The following TYW3 variants were observed in gnomAD, a reference collection of about 807,000 sequenced individuals.
TYW3 encodes tRNA-yW synthesizing protein 3 homolog, also known as tRNA wybutosine-synthesizing protein 3 homolog.
In TYW3, 26 loss-of-function variants were observed where a neutral mutation model predicts 23.1. That is an observed-to-expected ratio of 1.13 (90% CI 0.83 to 1.56). The LOEUF (loss-of-function observed/expected upper bound fraction) is 1.56. Among genes scored for constraint, TYW3 ranks in the 40% most tolerant of loss-of-function variants. The probability of loss-of-function intolerance (pLI) is 0.00; values close to 1 mark genes in which losing one functional copy is unlikely to be tolerated. For missense variants in TYW3, 316 were observed against 311.9 expected (o/e 1.01, Z -0.10); for synonymous variants, 102 against 105.7 (o/e 0.97, Z 0.21).
intron 5 of TYW3, among the ~76,000 whole-genome samples, chr1:74,758,877 C>A (rs1649040407): frequency 6.6e-6 from 1 of 152,150 alleles, no homozygotes; most frequent in Non-Finnish European, 1.5e-5. Flanking sequence ...TCTTATCCTA[C>A]AATGTAACAT....
chr1:74,744,844 C>T (rs939546943), intron 3 of TYW3, among the ~76,000 whole-genome samples: 8 of 152,050 alleles, frequency 5.3e-5, no homozygotes, highest in South Asian at 4.2e-4. Context: ...TGCTGACTTC[C>T]GGAGTGAAGC....
intron 3 of TYW3, among the ~76,000 whole-genome samples, chr1:74,741,521 G>C (rs1051773895): frequency 2.0e-5 from 3 of 152,174 alleles, no homozygotes; most frequent in East Asian, 1.9e-4. Context: ...TTCCCACAAA[G>C]AATCTATAGA....
intron 1 of TYW3, among the ~76,000 whole-genome samples, chr1:74,733,922 T>C (rs146849954): frequency 1.3e-5 from 2 of 152,150 alleles, no homozygotes; most frequent in East Asian, 1.9e-4. Flanking sequence ...ATTACAACTC[T>C]AGTAGTTTTA....
intron 5 of TYW3, 143 bp downstream of exon 5, chr1:74,752,568 TA>T (rs1160781868): frequency 1.3e-6 from 1 of 773,428 alleles, no homozygotes; most frequent in Non-Finnish European, 1.9e-6. Context: ...TCATTAATAA[TA>T]AAAAGATGAT....
intron 5 of TYW3, 136 bp from the exon 6 acceptor site, chr1:74,763,756 CAT>C (rs1649204270): frequency 6.8e-6 from 4 of 587,466 alleles, no homozygotes; most frequent in African/African-American, 1.9e-5. Flanking sequence ...CCTAATAAAA[CAT>C]ATTATTTATT....
intron 1 of TYW3, among the ~76,000 whole-genome samples, chr1:74,735,709 A>G (rs1295705772): frequency 6.6e-6 from 1 of 152,214 alleles, no homozygotes. Flanking sequence ...TAGCCAGCAC[A>G]ATGTCAGATA....
rs754210960 is a variant in TYW3, at chr1:74,733,200, A to G, written c.-45A>G. 6.2e-7 allele frequency: 1 copy of G among 1,602,204 alleles called. No individual in the cohort carries two copies. Among genetic ancestry groups the G allele is most frequent in the Middle Eastern group, 1.7e-4 (1 of 6,024 alleles). On this transcript the variant is annotated 5_prime_UTR_variant, in exon 1 of 6. Coordinates refer to ENST00000370867, the MANE Select transcript of TYW3 (RefSeq NM_138467.3). ...ATATGGCTGCCCCCAGGGAGAGACG[A>G]GGCTACCATGAAGGAGCCGAGCGCA...
chr1:74,760,315 T>G (rs1649099637), intron 5 of TYW3, among the ~76,000 whole-genome samples: 6 of 152,182 alleles, frequency 3.9e-5, no homozygotes, highest in Admixed American at 2.6e-4. Context: ...AAAAAAAATC[T>G]GCATGTAAGT....
At chr1:74,746,969 G>T (rs1322170129) in intron 3 of TYW3, among the ~76,000 whole-genome samples, 2 of 152,224 alleles carry the variant, frequency 1.3e-5, no homozygotes, top group African/African-American at 4.8e-5. Context: ...GCAGGAAAGG[G>T]TTTGGAGTAT....
At chr1:74,733,499 G>T (rs1450984335) in intron 1 of TYW3, 81 bp downstream of exon 1, 9 of 1,546,450 alleles carry the variant, frequency 5.8e-6, no homozygotes, top group Non-Finnish European at 7.8e-6. Flanking sequence ...GTGACGACCG[G>T]ATCCAGCATG....
intron 2 of TYW3, among the ~76,000 whole-genome samples, chr1:74,738,096 A>C (rs1345890653): frequency 6.7e-6 from 1 of 148,230 alleles, no homozygotes; most frequent in Non-Finnish European, 1.5e-5. Flanking sequence ...AAAAACAAAC[A>C]AGTGAACAGG....
chr1:74,751,361 A>G (rs1233310169), intron 4 of TYW3: 2 of 152,210 alleles, frequency 1.3e-5, no homozygotes, highest in East Asian at 3.9e-4. Flanking sequence ...AGCCTAGAAC[A>G]TTGCAGATGC....
At position 74,752,366 on chromosome 1, in the gene TYW3, T is replaced by G. The variant is rs1557748393; in HGVS notation, c.501T>G (p.Ile167Met). 8 of 1,613,644 alleles carry G rather than the reference T, an allele frequency of 5.0e-6. No individual in the cohort carries two copies. The highest frequency in any genetic ancestry group is 1.7e-5 in the Admixed American group (1 of 60,006). ...AACTGATGGTGACAGAGGAATATAT[T>G]GACTTCCTGTTAAATGTGGCAAATC... ...KGKLMVTEEY[I>M]DFLLNVANQK... The change falls in exon 5 of 6, where the codon ATT becomes ATG. Residue 167 changes from isoleucine to methionine, a missense_variant. Ile to Met is a conservative substitution (Grantham distance 10). Coordinates refer to ENST00000370867, the MANE Select transcript of TYW3 (RefSeq NM_138467.3).
At chr1:74,748,940 C>G in intron 4 of TYW3, 118 bp downstream of exon 4, 1 of 910,994 alleles carries the variant, frequency 1.1e-6, no homozygotes, top group Non-Finnish European at 1.7e-6. Flanking sequence ...CATTCTCTTA[C>G]TCATAAACCC....
At chr1:74,744,277 C>T (rs3207035) in intron 3 of TYW3, among the ~76,000 whole-genome samples, 2 of 152,038 alleles carry the variant, frequency 1.3e-5, no homozygotes, top group South Asian at 2.1e-4. Flanking sequence ...ATTTACCTTC[C>T]CTGTTACAGA....
intron 3 of TYW3, among the ~76,000 whole-genome samples, chr1:74,747,636 CAAAAAA>C (rs1213918927): frequency 8.0e-5 from 5 of 62,750 alleles, no homozygotes; most frequent in African/African-American, 3.1e-4. Flanking sequence ...GACTCCGTCT[CAAAAAA>C]AAAAAAAAGA....
At chr1:74,756,800 C>T (rs1053087702) in intron 5 of TYW3, among the ~76,000 whole-genome samples, 1 of 152,222 alleles carries the variant, frequency 6.6e-6, no homozygotes, top group South Asian at 2.1e-4. Flanking sequence ...TCACAGCAGT[C>T]CCTCCCATCA....
At chr1:74,733,688 C>G (rs1648010277) in intron 1 of TYW3, among the ~76,000 whole-genome samples, 1 of 152,072 alleles carries the variant, frequency 6.6e-6, no homozygotes, top group East Asian at 1.9e-4. Flanking sequence ...TAACAAGTGC[C>G]CAAATGATGT....
intron 5 of TYW3, among the ~76,000 whole-genome samples, chr1:74,763,000 C>T (rs1430853869): frequency 6.6e-6 from 1 of 152,012 alleles, no homozygotes; most frequent in Admixed American, 6.6e-5. Context: ...ATTCAAATAG[C>T]TAATAAATGA....
Sources: gnomAD v4.1 joint callset for allele counts (sites outside exome capture counted in the v4.1 genomes callset) on GRCh38, gnomAD v4.1.1 for gene constraint, MANE v1.5 for transcripts, NCBI Gene and HGNC (gene_info 2026-07-23, HGNC 2026-07-21) for gene names.